The following NXPE2 variants were observed in gnomAD, a reference collection of about 807,000 sequenced individuals.
NXPE2 encodes the protein NXPE family member 2.
NXPE2 carries 34 observed loss-of-function variants against 34.4 expected under a neutral mutation model. The ratio of observed to expected loss-of-function variants is 0.99; its 90% confidence interval spans 0.75 to 1.31. NXPE2 has a LOEUF of 1.31. Ranked by LOEUF, NXPE2 falls within the 40% of genes most tolerant of loss-of-function variation. NXPE2 has a pLI of 0.00. For synonymous variants in NXPE2, 235 were observed against 231.3 expected, an observed-to-expected ratio of 1.02 and a Z score of -0.15; for missense variants, 649 against 672.5, an observed-to-expected ratio of 0.97 and a Z score of 0.39.
At chr11:114,684,923 G>T (rs1565381524) in intron 2 of NXPE2, among the ~76,000 whole-genome samples, 4 of 152,096 alleles carry the variant, frequency 2.6e-5, no homozygotes, top group African/African-American at 9.7e-5. Flanking sequence ...TGGAGGAACT[G>T]CCTCCATGGA....
At chr11:114,586,886 C>A in the NXPE2 span, among the ~76,000 whole-genome samples, 1 of 152,096 alleles carries the variant, frequency 6.6e-6, no homozygotes, top group Non-Finnish European at 1.5e-5. Context: ...AAGGAAATGC[C>A]ATAATGCCTG....
At chr11:114,805,594 G>A in the NXPE2 span, among the ~76,000 whole-genome samples, 2 of 152,248 alleles carry the variant, frequency 1.3e-5, no homozygotes, top group Non-Finnish European at 2.9e-5. Flanking sequence ...CTCAGTGCTA[G>A]CACAGCAGTC....
At chr11:114,802,617 AT>A in the NXPE2 span, among the ~76,000 whole-genome samples, 3 of 151,790 alleles carry the variant, frequency 2.0e-5, no homozygotes, top group South Asian at 2.1e-4. Context: ...ACAGTCTTTT[AT>A]TTTTTTTAAT....
the NXPE2 span, among the ~76,000 whole-genome samples, chr11:114,472,513 T>G: frequency 6.6e-6 from 1 of 152,200 alleles, no homozygotes; most frequent in African/African-American, 2.4e-5. Context: ...ACAAGCTTGT[T>G]CTAAAGAATG....
At chr11:114,645,098 T>C in the NXPE2 span, among the ~76,000 whole-genome samples, 12 of 151,712 alleles carry the variant, frequency 7.9e-5, no homozygotes, top group African/African-American at 2.9e-4. Flanking sequence ...GGTCAGGAGT[T>C]CAAAACCAGC....
the NXPE2 span, among the ~76,000 whole-genome samples, chr11:114,627,238 T>G: frequency 3.0e-4 from 46 of 151,872 alleles, no homozygotes; most frequent in East Asian, 3.3e-3. Flanking sequence ...AAAGTTGAAA[T>G]GAAGGAAAAA....
At chr11:114,633,113 A>ACT in the NXPE2 span, among the ~76,000 whole-genome samples, 4 of 120,516 alleles carry the variant, frequency 3.3e-5, no homozygotes, top group Non-Finnish European at 6.3e-5. Flanking sequence ...TTTACATTAT[A>ACT]TTTTATATAA....
chr11:114,600,841 A>T, the NXPE2 span, among the ~76,000 whole-genome samples: 1 of 152,084 alleles, frequency 6.6e-6, no homozygotes, highest in Non-Finnish European at 1.5e-5. Context: ...AGAATCCTCT[A>T]TACTATTTTG....
At chr11:114,534,054 C>A in the NXPE2 span, among the ~76,000 whole-genome samples, 1 of 152,208 alleles carries the variant, frequency 6.6e-6, no homozygotes, top group African/African-American at 2.4e-5. Flanking sequence ...CAGACTGACA[C>A]CTCACACTGC....
the NXPE2 span, among the ~76,000 whole-genome samples, chr11:114,582,075 AT>A: frequency 1.5e-3 from 232 of 152,204 alleles, no homozygotes; most frequent in African/African-American, 5.2e-3. Flanking sequence ...TTCTGTATAT[AT>A]TTTTTTCCCA....
chr11:114,590,121 C>T, the NXPE2 span, among the ~76,000 whole-genome samples: 1 of 152,184 alleles, frequency 6.6e-6, no homozygotes, highest in East Asian at 1.9e-4. Flanking sequence ...TTTGTTTGGA[C>T]AGGCATTGTC....
At chr11:114,549,642 A>G in the NXPE2 span, among the ~76,000 whole-genome samples, 7 of 152,216 alleles carry the variant, frequency 4.6e-5, no homozygotes, top group Non-Finnish European at 8.8e-5. Context: ...TAAGGGAAAC[A>G]CTAAAGGCTT....
chr11:114,527,877 C>T, the NXPE2 span: 2 of 1,604,022 alleles, frequency 1.2e-6, no homozygotes, highest in Non-Finnish European at 1.7e-6. Context: ...TACGATCCTT[C>T]ATCATTTCAA....
the NXPE2 span, among the ~76,000 whole-genome samples, chr11:114,747,604 A>G: frequency 6.6e-6 from 1 of 152,190 alleles, no homozygotes; most frequent in Non-Finnish European, 1.5e-5. Flanking sequence ...CACATCTTAC[A>G]CAGTGGCAGG....
chr11:114,571,036 C>A, the NXPE2 span: 1 of 1,613,308 alleles, frequency 6.2e-7, no homozygotes, highest in Admixed American at 1.7e-5. Context: ...ATATCCCAGG[C>A]ATCAATGATA....
intron 3 of NXPE2, among the ~76,000 whole-genome samples, chr11:114,700,673 A>T (rs1413146308): frequency 2.0e-5 from 3 of 151,638 alleles, no homozygotes; most frequent in African/African-American, 4.8e-5. Flanking sequence ...TTTGTTGAAT[A>T]AAAAAAAATA....
At chr11:114,527,018 A>T in the NXPE2 span, 1 of 152,208 alleles carries the variant, frequency 6.6e-6, no homozygotes, top group East Asian at 1.9e-4. Context: ...TACTGTCTTC[A>T]TAGAGTTCGT....
chr11:114,584,303 T>A, the NXPE2 span: 1 of 512,544 alleles, frequency 2.0e-6, no homozygotes, highest in Non-Finnish European at 4.0e-6. Context: ...CCTTCCAATA[T>A]GACTAACCAG....
At chr11:114,728,737 C>T in the NXPE2 span, among the ~76,000 whole-genome samples, 1 of 151,876 alleles carries the variant, frequency 6.6e-6, no homozygotes, top group Admixed American at 6.6e-5. Context: ...TAAAAACAGA[C>T]ATGGACAATA....
Sources: gnomAD v4.1 joint callset for allele counts (sites outside exome capture counted in the v4.1 genomes callset) on GRCh38, gnomAD v4.1.1 for gene constraint, MANE v1.5 for transcripts, NCBI Gene and HGNC (gene_info 2026-07-23, HGNC 2026-07-21) for gene names.